Variants in XNDC1N observed in about 807,000 individuals in gnomAD.
XNDC1N encodes XRCC1 N-terminal domain containing 1, N-terminal like, also known as protein XNDC1N.
chr11:71,903,828 C>A, the XNDC1N span: 717 of 353,326 alleles, frequency 2.0e-3, 4 homozygotes, highest in African/African-American at 0.015. Context: ...CTTCCCATCT[C>A]GGGGACCCTT....
chr11:71,909,572 C>T, the XNDC1N span, among the ~76,000 whole-genome samples: 1 of 152,224 alleles, frequency 6.6e-6, no homozygotes, highest in Non-Finnish European at 1.5e-5. Context: ...CCCAAAGAGC[C>T]TCTGGTCAGA....
At chr11:71,888,323 A>T in the XNDC1N span, among the ~76,000 whole-genome samples, 3 of 152,106 alleles carry the variant, frequency 2.0e-5, no homozygotes, top group African/African-American at 7.2e-5. Flanking sequence ...CAGGTGAGAG[A>T]ATTCTTAGGA....
the XNDC1N span, among the ~76,000 whole-genome samples, chr11:71,900,288 C>G: frequency 6.6e-6 from 1 of 152,194 alleles, no homozygotes; most frequent in East Asian, 1.9e-4. Flanking sequence ...TGTTGTTTCT[C>G]TATACTTTGT....
chr11:71,921,664 C>T, the XNDC1N span, among the ~76,000 whole-genome samples: 3,978 of 152,202 alleles, frequency 0.026, 163 homozygotes, highest in African/African-American at 0.091. Context: ...TAACTGAAAT[C>T]TTACACTGAG....
chr11:71,908,397 TA>T, the XNDC1N span, among the ~76,000 whole-genome samples: 1 of 152,000 alleles, frequency 6.6e-6, no homozygotes, highest in Non-Finnish European at 1.5e-5. Context: ...GTATTGATTT[TA>T]AAAATTATAT....
At chr11:71,869,603 T>A in the XNDC1N span, among the ~76,000 whole-genome samples, 1 of 152,336 alleles carries the variant, frequency 6.6e-6, no homozygotes, top group Admixed American at 6.5e-5. Flanking sequence ...ATCAGATCAG[T>A]TTTGTTCTTT....
the XNDC1N span, among the ~76,000 whole-genome samples, chr11:71,880,777 G>A: frequency 3.9e-5 from 6 of 152,240 alleles, no homozygotes; most frequent in South Asian, 1.2e-3. Flanking sequence ...CTCAATGGTT[G>A]TTCAGAAGCA....
chr11:71,899,684 C>T, the XNDC1N span, among the ~76,000 whole-genome samples: 3 of 152,344 alleles, frequency 2.0e-5, no homozygotes, highest in Non-Finnish European at 4.4e-5. Flanking sequence ...CTGTGGAAAG[C>T]CGCAGGGAGC....
At chr11:71,895,706 C>A in the XNDC1N span, among the ~76,000 whole-genome samples, 2 of 152,186 alleles carry the variant, frequency 1.3e-5, no homozygotes, top group African/African-American at 4.8e-5. Flanking sequence ...TATACACTTG[C>A]ATATACATAA....
chr11:71,892,404 G>A, the XNDC1N span, among the ~76,000 whole-genome samples: 13 of 152,066 alleles, frequency 8.5e-5, no homozygotes, highest in East Asian at 2.5e-3. Context: ...AATATCACAG[G>A]GTGTACACCC....
chr11:71,903,081 C>T, the XNDC1N span: 1 of 545,410 alleles, frequency 1.8e-6, no homozygotes, highest in Non-Finnish European at 3.4e-6. Context: ...GAAAACATTA[C>T]TTGTGAATTG....
chr11:71,891,445 C>A, the XNDC1N span, among the ~76,000 whole-genome samples: 1 of 151,880 alleles, frequency 6.6e-6, no homozygotes, highest in Non-Finnish European at 1.5e-5. Flanking sequence ...ACTCCGCCTG[C>A]GATTTTGGGA....
chr11:71,923,266 T>G, the XNDC1N span: 1 of 702,228 alleles, frequency 1.4e-6, no homozygotes, highest in Non-Finnish European at 2.6e-6. Flanking sequence ...TTTCACTCCT[T>G]TCAGTTATTA....
At chr11:71,917,657 C>T in the XNDC1N span, 1 of 703,414 alleles carries the variant, frequency 1.4e-6, no homozygotes, top group African/African-American at 1.7e-5. Flanking sequence ...CGGTTCTTCC[C>T]CTGCTTTGAA....
chr11:71,891,280 G>T, the XNDC1N span, among the ~76,000 whole-genome samples: 1 of 151,712 alleles, frequency 6.6e-6, no homozygotes, highest in Non-Finnish European at 1.5e-5. Flanking sequence ...GGATCACAGG[G>T]CTGTGGAAAC....
chr11:71,909,815 A>T, the XNDC1N span, among the ~76,000 whole-genome samples: 40 of 152,262 alleles, frequency 2.6e-4, no homozygotes, highest in African/African-American at 9.4e-4. Context: ...TTAGGAAGGG[A>T]CTTGCTCAGC....
chr11:71,917,809 G>T, the XNDC1N span: 1 of 700,782 alleles, frequency 1.4e-6, no homozygotes, highest in South Asian at 1.5e-5. Context: ...AGGATAAGAG[G>T]AATGAGATGA....
chr11:71,906,468 G>A, the XNDC1N span, among the ~76,000 whole-genome samples: 8 of 152,086 alleles, frequency 5.3e-5, no homozygotes, highest in East Asian at 7.7e-4. Context: ...CACATCCCCC[G>A]AGGATATAAG....
chr11:71,923,336 G>T, the XNDC1N span: 1 of 702,916 alleles, frequency 1.4e-6, no homozygotes, highest in Non-Finnish European at 2.6e-6. Flanking sequence ...CCACATGGCT[G>T]ATCTTCACAG....
Sources: allele counts gnomAD v4.1 joint callset (sites outside exome capture counted in the v4.1 genomes callset), GRCh38; gene constraint gnomAD v4.1.1; transcripts MANE v1.5; gene names NCBI Gene and HGNC (gene_info 2026-07-23, HGNC 2026-07-21).